C8orf34: variants seen among roughly 807,000 people sequenced by gnomAD.
The protein encoded by C8orf34 is chromosome 8 open reading frame 34, also known as uncharacterized protein C8orf34.
A neutral mutation model predicts 68.3 loss-of-function variants in C8orf34; 65 were observed. That is an observed-to-expected ratio of 0.95 (90% CI 0.78 to 1.17). C8orf34 has a LOEUF of 1.17. Among genes scored for constraint, C8orf34 ranks in the 50% most tolerant of loss-of-function variants. C8orf34 has a pLI of 0.00. For missense variants in C8orf34, 664 were observed against 655.4 expected, an observed-to-expected ratio of 1.01 and a Z score of -0.14; for synonymous variants, 244 against 241.2, an observed-to-expected ratio of 1.01 and a Z score of -0.11.
intron 10 of C8orf34, among the ~76,000 whole-genome samples, chr8:68,751,449 C>A (rs6472418): frequency 6.6e-6 from 1 of 152,134 alleles, no homozygotes; most frequent in African/African-American, 2.4e-5. Context: ...GACCAGCTCA[C>A]CCCTGTGCTT....
At chr8:68,527,521 G>T (rs998560072) in intron 6 of C8orf34, among the ~76,000 whole-genome samples, 1 of 152,148 alleles carries the variant, frequency 6.6e-6, no homozygotes, top group Non-Finnish European at 1.5e-5. Context: ...GCAGTGAGCT[G>T]AGATCGTGCC....
chr8:68,560,539 C>G (rs1474951742), intron 7 of C8orf34, among the ~76,000 whole-genome samples: 2 of 152,150 alleles, frequency 1.3e-5, no homozygotes, highest in Admixed American at 6.5e-5. Context: ...ATAGAGTGTA[C>G]TTACACGAAC....
chr8:68,623,479 A>T (rs1004725789), intron 7 of C8orf34, among the ~76,000 whole-genome samples: 2 of 152,072 alleles, frequency 1.3e-5, no homozygotes, highest in South Asian at 4.2e-4. Flanking sequence ...TTTTAAGGGG[A>T]GGGAAAAATC....
At chr8:68,518,877 A>G (rs1248967493) in intron 5 of C8orf34, among the ~76,000 whole-genome samples, 2 of 138,664 alleles carry the variant, frequency 1.4e-5, no homozygotes, top group Admixed American at 7.4e-5. Flanking sequence ...CTGGCGACAG[A>G]GCAAGACTCA....
intron 8 of C8orf34, among the ~76,000 whole-genome samples, chr8:68,650,241 C>A (rs894905599): frequency 6.6e-6 from 1 of 151,722 alleles, no homozygotes; most frequent in African/African-American, 2.4e-5. Flanking sequence ...ATTAGGATGC[C>A]GACACACCAG....
intron 1 of C8orf34, among the ~76,000 whole-genome samples, chr8:68,431,847 G>C (rs1176654676): frequency 6.6e-6 from 1 of 152,094 alleles, no homozygotes; most frequent in African/African-American, 2.4e-5. Flanking sequence ...GTTTTTAGTT[G>C]TGGTATTTTC....
intron 11 of C8orf34, among the ~76,000 whole-genome samples, chr8:68,783,987 T>TA (rs777405567): frequency 8.5e-5 from 13 of 152,344 alleles, no homozygotes; most frequent in Non-Finnish European, 1.5e-4. Flanking sequence ...CTATTACTGA[T>TA]ACTTTATGTT....
intron 10 of C8orf34, among the ~76,000 whole-genome samples, chr8:68,766,501 T>A (rs1376336137): frequency 6.6e-6 from 1 of 152,210 alleles, no homozygotes; most frequent in Non-Finnish European, 1.5e-5. Context: ...AATTGCTAAC[T>A]GATTTTTATG....
At chr8:68,460,135 T>C (rs1811735638) in intron 3 of C8orf34, among the ~76,000 whole-genome samples, 1 of 152,248 alleles carries the variant, frequency 6.6e-6, no homozygotes, top group East Asian at 1.9e-4. Flanking sequence ...ACCAGGAGAT[T>C]ATATCCTGCA....
intron 10 of C8orf34, among the ~76,000 whole-genome samples, chr8:68,751,231 T>A (rs1289973977): frequency 6.6e-6 from 1 of 152,142 alleles, no homozygotes; most frequent in African/African-American, 2.4e-5. Context: ...AACATGACAG[T>A]TCTTAGCTCA....
chr8:68,617,909 C>A (rs1478316674), intron 7 of C8orf34, among the ~76,000 whole-genome samples: 1 of 152,190 alleles, frequency 6.6e-6, no homozygotes, highest in South Asian at 2.1e-4. Flanking sequence ...CTCCCCGTCA[C>A]TTTCAGGTAC....
intron 10 of C8orf34, among the ~76,000 whole-genome samples, chr8:68,774,965 A>AAAAAAAAAAAAAAAAAAAAAAAC: frequency 6.7e-6 from 1 of 149,016 alleles, no homozygotes; most frequent in African/African-American, 2.5e-5. Context: ...AAAAAAAAAA[A>AAAAAAAAAAAAAAAAAAAAAAAC]AATTAGCTGG....
At chr8:68,811,531 A>G (rs1380736668) in intron 12 of C8orf34, among the ~76,000 whole-genome samples, 1 of 152,078 alleles carries the variant, frequency 6.6e-6, no homozygotes, top group African/African-American at 2.4e-5. Flanking sequence ...CGCCTCCCCT[A>G]CTACAGCTGG....
intron 10 of C8orf34, among the ~76,000 whole-genome samples, chr8:68,766,758 A>T (rs1823189205): frequency 6.6e-6 from 1 of 152,354 alleles, no homozygotes; most frequent in African/African-American, 2.4e-5. Context: ...CTGTAGTTTA[A>T]TATTAGAAAT....
intron 7 of C8orf34, among the ~76,000 whole-genome samples, chr8:68,605,492 T>C (rs983635219): frequency 6.7e-6 from 1 of 148,332 alleles, no homozygotes; most frequent in African/African-American, 2.6e-5. Flanking sequence ...GATAAATAAA[T>C]TATGGTGCAG....
intron 7 of C8orf34, among the ~76,000 whole-genome samples, chr8:68,595,086 A>C (rs1817504384): frequency 6.7e-6 from 1 of 149,806 alleles, no homozygotes; most frequent in South Asian, 2.1e-4. Flanking sequence ...CTTCATCCAG[A>C]GTTTTAGTTC....
chr8:68,605,770 A>G (rs11998574), intron 7 of C8orf34, among the ~76,000 whole-genome samples: 1,768 of 152,238 alleles, frequency 0.012, 31 homozygotes, highest in African/African-American at 0.039. Flanking sequence ...CAGTGAAACA[A>G]TTCTGTTCAA....
intron 10 of C8orf34, among the ~76,000 whole-genome samples, chr8:68,771,153 T>G (rs1361632537): frequency 1.3e-5 from 2 of 152,144 alleles, no homozygotes; most frequent in African/African-American, 4.8e-5. Flanking sequence ...ACATAACAAT[T>G]TATTGGATAC....
intron 7 of C8orf34, among the ~76,000 whole-genome samples, chr8:68,574,977 T>C (rs1054258092): frequency 2.0e-5 from 3 of 151,970 alleles, no homozygotes; most frequent in African/African-American, 4.8e-5. Context: ...ATAAATTCCT[T>C]TTTGTATATG....
Sources: allele counts gnomAD v4.1 joint callset (sites outside exome capture counted in the v4.1 genomes callset), GRCh38; gene constraint gnomAD v4.1.1; transcripts MANE v1.5; gene names NCBI Gene and HGNC (gene_info 2026-07-23, HGNC 2026-07-21).